BICC1: variants seen among roughly 807,000 people sequenced by gnomAD.
BICC1 encodes protein bicaudal C homolog 1.
BICC1 carries 43 observed loss-of-function variants against 111.0 expected under a neutral mutation model. That is an observed-to-expected ratio of 0.39 (90% CI 0.30 to 0.50). BICC1 has a LOEUF of 0.50. Among genes scored for constraint, BICC1 ranks in the 20% least tolerant of loss-of-function variants. The pLI is 0.88. For missense variants in BICC1, 1,091 were observed against 1,203.2 expected, an observed-to-expected ratio of 0.91 and a Z score of 1.38; for synonymous variants, 467 against 434.4, an observed-to-expected ratio of 1.07 and a Z score of -0.93.
chr10:58,781,519 T>G (rs1301736952), intron 3 of BICC1, among the ~76,000 whole-genome samples: 1 of 152,230 alleles, frequency 6.6e-6, no homozygotes, highest in Non-Finnish European at 1.5e-5. Context: ...AATTGAGTTC[T>G]TCAAAGCAAT....
intron 3 of BICC1, among the ~76,000 whole-genome samples, chr10:58,742,458 G>A (rs1206582456): frequency 2.8e-5 from 3 of 106,004 alleles, no homozygotes; most frequent in Non-Finnish European, 5.3e-5. Context: ...TTTTTTTTGA[G>A]ATGGAATCTC....
intron 3 of BICC1, among the ~76,000 whole-genome samples, chr10:58,739,341 A>G (rs1589084816): frequency 1.3e-5 from 2 of 152,230 alleles, no homozygotes; most frequent in African/African-American, 4.8e-5. Context: ...TGAGATAATC[A>G]TATGGTTTTT....
intron 8 of BICC1, among the ~76,000 whole-genome samples, chr10:58,791,229 T>C (rs1167499265): frequency 6.6e-6 from 1 of 152,230 alleles, no homozygotes; most frequent in Admixed American, 6.5e-5. Flanking sequence ...TCATTTTTTT[T>C]CTGCTTTACA....
chr10:58,544,760 T>C (rs986032530), intron 1 of BICC1, among the ~76,000 whole-genome samples: 2 of 152,156 alleles, frequency 1.3e-5, no homozygotes, highest in Non-Finnish European at 2.9e-5. Context: ...TATTACAGGT[T>C]GAATTGTGTC....
At chr10:58,826,886 C>T (rs955993129) in intron 20 of BICC1, among the ~76,000 whole-genome samples, 1 of 152,196 alleles carries the variant, frequency 6.6e-6, no homozygotes, top group Non-Finnish European at 1.5e-5. Context: ...GCTGCCCACC[C>T]TTGAGCCTTG....
chr10:58,694,608 C>T (rs1354329833), intron 2 of BICC1, among the ~76,000 whole-genome samples: 1 of 152,118 alleles, frequency 6.6e-6, no homozygotes, highest in Non-Finnish European at 1.5e-5. Flanking sequence ...TTGTCCTGTC[C>T]TCTGTTCAGA....
intron 8 of BICC1, among the ~76,000 whole-genome samples, chr10:58,791,465 C>T (rs1037315137): frequency 3.9e-5 from 6 of 152,152 alleles, no homozygotes; most frequent in Admixed American, 6.5e-5. Flanking sequence ...TGGCTGGGCG[C>T]GGTGGCTTAC....
intron 1 of BICC1, among the ~76,000 whole-genome samples, chr10:58,555,764 T>C (rs1843433088): frequency 1.3e-5 from 2 of 152,240 alleles, no homozygotes; most frequent in Non-Finnish European, 1.5e-5. Flanking sequence ...ATGGATGAAG[T>C]TGGTGAACAA....
intron 18 of BICC1, among the ~76,000 whole-genome samples, chr10:58,815,377 C>T (rs558565480): frequency 1.1e-4 from 16 of 152,266 alleles, no homozygotes; most frequent in African/African-American, 3.4e-4. Flanking sequence ...ACTGGCTGGA[C>T]GCTCCACCAC....
intron 2 of BICC1, among the ~76,000 whole-genome samples, chr10:58,642,109 G>A (rs978029474): frequency 1.3e-5 from 2 of 152,204 alleles, no homozygotes; most frequent in Non-Finnish European, 2.9e-5. Flanking sequence ...TAAGTGAATA[G>A]TAAATAGTTA....
chr10:58,776,172 G>A (rs1034217358), intron 3 of BICC1, among the ~76,000 whole-genome samples: 1 of 152,198 alleles, frequency 6.6e-6, no homozygotes, highest in East Asian at 1.9e-4. Context: ...AAGAGATCAT[G>A]TATATGGTAT....
At chr10:58,580,087 T>C (rs1844238333) in intron 1 of BICC1, among the ~76,000 whole-genome samples, 1 of 151,702 alleles carries the variant, frequency 6.6e-6, no homozygotes. Context: ...TGCAGTGGTG[T>C]GATCTCAGCT....
intron 3 of BICC1, chr10:58,716,203 G>A (rs1297554240): frequency 2.7e-6 from 4 of 1,501,610 alleles, no homozygotes; most frequent in South Asian, 2.4e-5. Context: ...ACGAGAAAAA[G>A]CAACAGAAAA....
chr10:58,535,331 G>A (rs1038126327), intron 1 of BICC1, among the ~76,000 whole-genome samples: 9 of 151,622 alleles, frequency 5.9e-5, no homozygotes, highest in Non-Finnish European at 7.4e-5. Context: ...TAAGAACAGC[G>A]AGACAAAAGC....
chr10:58,661,165 A>G (rs1588986475), intron 2 of BICC1, among the ~76,000 whole-genome samples: 2 of 145,114 alleles, frequency 1.4e-5, no homozygotes, highest in South Asian at 4.3e-4. Flanking sequence ...GAAGATTCTT[A>G]TTTTCAAATT....
At chr10:58,736,431 A>T (rs1841470374) in intron 3 of BICC1, among the ~76,000 whole-genome samples, 1 of 152,192 alleles carries the variant, frequency 6.6e-6, no homozygotes, top group Non-Finnish European at 1.5e-5. Flanking sequence ...TGTTTTAATT[A>T]CTACCACATT....
At chr10:58,524,800 G>T (rs953131126) in intron 1 of BICC1, among the ~76,000 whole-genome samples, 2 of 152,104 alleles carry the variant, frequency 1.3e-5, no homozygotes, top group African/African-American at 4.8e-5. Context: ...AAAAATTTTT[G>T]CAATCTACTC....
At chr10:58,514,834 C>T (rs577170718) in intron 1 of BICC1, among the ~76,000 whole-genome samples, 2 of 152,252 alleles carry the variant, frequency 1.3e-5, no homozygotes, top group East Asian at 3.9e-4. Context: ...GTTCTTTTTG[C>T]CTAGTTTATG....
chr10:58,820,323 A>G (rs1457627308), intron 19 of BICC1, 46 bp from the exon 20 acceptor site: 1 of 1,298,462 alleles, frequency 7.7e-7, no homozygotes, highest in South Asian at 1.2e-5. Flanking sequence ...GGGAAAGAAA[A>G]TAAGTAATTA....
Sources: gnomAD v4.1 joint callset for allele counts (sites outside exome capture counted in the v4.1 genomes callset) on GRCh38, gnomAD v4.1.1 for gene constraint, MANE v1.5 for transcripts, NCBI Gene and HGNC (gene_info 2026-07-23, HGNC 2026-07-21) for gene names.